The following AFTPH variants were observed in gnomAD, a reference collection of about 807,000 sequenced individuals.
AFTPH encodes the protein aftiphilin.
A neutral mutation model predicts 72.5 loss-of-function variants in AFTPH; 7 were observed. That is an observed-to-expected ratio of 0.10 (90% CI 0.05 to 0.18). AFTPH has a LOEUF of 0.18. Among genes scored for constraint, AFTPH ranks in the 10% least tolerant of loss-of-function variants. The pLI, the probability that AFTPH is intolerant of heterozygous loss-of-function variation, is 1.00. For missense variants in AFTPH, 979 were observed against 1,060.5 expected (o/e 0.92, Z 1.07); for synonymous variants, 337 against 370.1 (o/e 0.91, Z 1.03).
At chr2:64,561,611 C>T (rs1049038107) in intron 2 of AFTPH, among the ~76,000 whole-genome samples, 1 of 152,116 alleles carries the variant, frequency 6.6e-6, no homozygotes, top group African/African-American at 2.4e-5. Flanking sequence ...CCCAGAAGTT[C>T]AAGGCTGCAG....
Position 64,549,107 on chromosome 2 carries a change from G to A in AFTPH, c.-32-2336G>A, listed in dbSNP as rs372276357. 3.3e-5 allele frequency among the ~76,000 whole-genome samples: 5 copies of A among 152,174 alleles called. No homozygotes were observed. The South Asian group carries it at 8.3e-4, about 25-fold the overall frequency. On this transcript the variant is annotated intron_variant, in intron 1 of 8. Coordinates refer to ENST00000238856, the Ensembl canonical transcript of AFTPH. ...TCCTCACCTCTAAATTAAACTATGT[G>A]GTTTCTACGGTACCTTCACTCTAAA...
At chr2:64,567,308 G>A (rs912540352) in intron 2 of AFTPH, among the ~76,000 whole-genome samples, 1 of 152,200 alleles carries the variant, frequency 6.6e-6, no homozygotes, top group Non-Finnish European at 1.5e-5. Flanking sequence ...GATAATGCAT[G>A]TAAAGTAGCA....
At chr2:64,581,351 A>C (rs1673184925) in intron 7 of AFTPH, 78 bp downstream of exon 8, 1 of 1,192,530 alleles carries the variant, frequency 8.4e-7, no homozygotes, top group Middle Eastern at 1.9e-4. Context: ...CCTATAAACA[A>C]GGAAACAAGT....
At chr2:64,592,136 T>G in exon 9 of AFTPH, 1 of 730,540 alleles carries the variant, frequency 1.4e-6, no homozygotes, top group Non-Finnish European at 2.0e-6. Context: ...AAAAAAAAAA[T>G]TCAAGTTCAG....
intron 1 of AFTPH, among the ~76,000 whole-genome samples, chr2:64,548,086 C>T (rs1271256045): frequency 2.8e-5 from 4 of 144,412 alleles, no homozygotes; most frequent in South Asian, 2.4e-4. Flanking sequence ...CCACTGCGCC[C>T]GGCTGCTTTT....
intron 1 of AFTPH, among the ~76,000 whole-genome samples, chr2:64,526,580 G>C (rs1181907048): frequency 6.6e-6 from 1 of 152,114 alleles, no homozygotes; most frequent in Non-Finnish European, 1.5e-5. Context: ...TTTTTAAGTA[G>C]AATAGTGAAC....
intron 7 of AFTPH, among the ~76,000 whole-genome samples, chr2:64,582,097 G>C (rs935795575): frequency 3.9e-5 from 6 of 152,186 alleles, no homozygotes; most frequent in African/African-American, 1.4e-4. Flanking sequence ...CCCAACAGGT[G>C]ATCTGGTAAT....
At chr2:64,556,366 C>T (rs527503001) in intron 2 of AFTPH, among the ~76,000 whole-genome samples, 1 of 152,112 alleles carries the variant, frequency 6.6e-6, no homozygotes, top group African/African-American at 2.4e-5. Context: ...TCAATCTTAC[C>T]CGGATGCCAC....
chr2:64,570,836 C>G (rs1326307979), intron 5 of AFTPH, among the ~76,000 whole-genome samples: 1 of 150,160 alleles, frequency 6.7e-6, no homozygotes, highest in Non-Finnish European at 1.5e-5. Flanking sequence ...GAGGCTAAAG[C>G]TTATGCTTTA....
chr2:64,552,377 AAT>A lies in AFTPH; in HGVS notation c.905_906del (p.Ile302LysfsTer5). On this transcript the variant is annotated frameshift_variant, in exon 2 of 9. Transcript: ENST00000238856. LOFTEE classifies it high-confidence loss of function. ...GAGAGGATCAGGTTTGTGTTTCAGAAATAAGCATAGTGACTAACAGAGGTTTC... is the reference window on the plus strand; with the variant it reads ...GAGAGGATCAGGTTTGTGTTTCAGAAAAGCATAGTGACTAACAGAGGTTTC... 6.2e-7 allele frequency: 1 copy of A among 1,614,114 alleles called. No individual in the cohort carries two copies. The highest frequency in any genetic ancestry group is 1.6e-4 in the Middle Eastern group (1 of 6,062).
intron 2 of AFTPH, among the ~76,000 whole-genome samples, chr2:64,566,352 T>C (rs964810010): frequency 1.3e-5 from 2 of 152,186 alleles, no homozygotes; most frequent in South Asian, 2.1e-4. Flanking sequence ...AGACTAATTA[T>C]GCAGTGTTAA....
rs980906031 is a variant in AFTPH at position 64,581,447 on chromosome 2, T to C, written c.2455+1901T>C. Among the ~76,000 whole-genome samples, 10 of 152,356 alleles carry C rather than the reference T, an allele frequency of 6.6e-5. No individual in the cohort carries two copies. The South Asian group carries it at 8.3e-4, about 13-fold the overall frequency. On this transcript the variant is annotated intron_variant, in intron 7 of 8. Coordinates refer to ENST00000238856, the Ensembl canonical transcript of AFTPH. ...TATCTGATTACAAAAAAATGACTTA[T>C]GTATTTCAAGGAAAACTTTCTAATA...
chr2:64,562,867 T>C (rs1324401141), intron 2 of AFTPH, among the ~76,000 whole-genome samples: 1 of 152,242 alleles, frequency 6.6e-6, no homozygotes, highest in Admixed American at 6.5e-5. Flanking sequence ...TTACTTATAC[T>C]GCCTTACGTG....
At chr2:64,566,403 A>G (rs1461264023) in intron 2 of AFTPH, among the ~76,000 whole-genome samples, 1 of 152,186 alleles carries the variant, frequency 6.6e-6, no homozygotes, top group Non-Finnish European at 1.5e-5. Context: ...ATTTGGGTTC[A>G]GAAAATGTTA....
At chr2:64,528,931 G>C (rs1245239332) in intron 1 of AFTPH, among the ~76,000 whole-genome samples, 5 of 152,110 alleles carry the variant, frequency 3.3e-5, no homozygotes, top group Non-Finnish European at 7.4e-5. Flanking sequence ...ATAGAAAATA[G>C]ACTATAGGAG....
At chr2:64,536,902 A>G (rs1669922511) in intron 1 of AFTPH, among the ~76,000 whole-genome samples, 1 of 146,366 alleles carries the variant, frequency 6.8e-6, no homozygotes, top group Non-Finnish European at 1.5e-5. Flanking sequence ...GCAGTGAGCC[A>G]TGATTGCACC....
At chr2:64,565,733 GAA>G (rs1672042136) in intron 2 of AFTPH, among the ~76,000 whole-genome samples, 1 of 152,202 alleles carries the variant, frequency 6.6e-6, no homozygotes, top group Non-Finnish European at 1.5e-5. Context: ...GCTCTCTATA[GAA>G]AAGATTGCTA....
chr2:64,571,289 A>G (rs1373133765), intron 5 of AFTPH, among the ~76,000 whole-genome samples: 1 of 145,738 alleles, frequency 6.9e-6, no homozygotes, highest in Non-Finnish European at 1.5e-5. Flanking sequence ...CTTTTTCAGT[A>G]TTTCTGAGGT....
chr2:64,579,283 C>T (rs1673018332), intron 6 of AFTPH, among the ~76,000 whole-genome samples: 1 of 152,120 alleles, frequency 6.6e-6, no homozygotes, highest in Non-Finnish European at 1.5e-5. Flanking sequence ...TTTTAAATGT[C>T]AATAACCTGT....
Sources: gnomAD v4.1 joint callset for allele counts (sites outside exome capture counted in the v4.1 genomes callset) on GRCh38, gnomAD v4.1.1 for gene constraint, MANE v1.5 for transcripts, NCBI Gene and HGNC (gene_info 2026-07-23, HGNC 2026-07-21) for gene names.